Variants in CSNK1E observed in about 807,000 individuals in gnomAD.
The protein encoded by CSNK1E is casein kinase I isoform epsilon.
CSNK1E carries 17 observed loss-of-function variants against 46.1 expected under a neutral mutation model. The ratio of observed to expected loss-of-function variants is 0.37; its 90% confidence interval spans 0.25 to 0.55. The LOEUF (loss-of-function observed/expected upper bound fraction) is 0.55, where lower values mean the gene tolerates loss of function less well. Ranked by LOEUF, CSNK1E falls within the 20% of genes least tolerant of loss-of-function variation. The pLI is 0.82. For missense variants in CSNK1E, 386 were observed against 595.4 expected, an observed-to-expected ratio of 0.65 and a Z score of 3.66; for synonymous variants, 241 against 242.6, an observed-to-expected ratio of 0.99 and a Z score of 0.06.
At chr22:38,304,647 T>G (rs377626515) in intron 2 of CSNK1E, among the ~76,000 whole-genome samples, 4 of 152,122 alleles carry the variant, frequency 2.6e-5, no homozygotes, top group East Asian at 3.9e-4. Context: ...GGATGCCTGC[T>G]TCACACAATG....
intron 2 of CSNK1E, among the ~76,000 whole-genome samples, chr22:38,307,629 C>CA (rs2092704134): frequency 6.6e-6 from 1 of 152,202 alleles, no homozygotes; most frequent in Admixed American, 6.6e-5. Flanking sequence ...ACTTGAGAAT[C>CA]AGAGGATTCT....
chr22:38,298,162 C>T lies in CSNK1E; in HGVS notation c.885+624G>A. The T allele has an allele frequency of 2.3e-6, 3 of 1,302,440 alleles. No homozygotes were observed. The highest frequency in any genetic ancestry group is 3.0e-6 in the Non-Finnish European group (3 of 988,014). The allele number at this position is 1,302,440 out of a possible 1,614,324, so 80.7% of individuals were successfully genotyped here. Reference sequence around the variant, plus strand: ...GGGGACAGAAAGGTCCCTTCGCTGTCATGGGGCTGTCACGGGGCTGAGCCT... The same window carrying T: ...GGGGACAGAAAGGTCCCTTCGCTGTTATGGGGCTGTCACGGGGCTGAGCCT... On this transcript the variant is annotated intron_variant, in intron 7 of 10. Coordinates refer to ENST00000396832, the MANE Select transcript of CSNK1E (RefSeq NM_152221.3). The surrounding 1 kb of genome is among the most constrained non-coding windows in gnomAD (Gnocchi z 4.2).
chr22:38,295,438 G>A (rs1569075452), intron 7 of CSNK1E: 1 of 978,796 alleles, frequency 1.0e-6, no homozygotes, highest in South Asian at 4.7e-5. Context: ...TGGCAGGAAG[G>A]GGGCCGCATC....
intron 4 of CSNK1E, 45 bp downstream of exon 4, chr22:38,302,816 G>T: frequency 1.2e-6 from 2 of 1,608,498 alleles, no homozygotes; most frequent in Non-Finnish European, 1.7e-6. Context: ...CTGGTATCCT[G>T]GGCCCACAGG....
intron 1 of CSNK1E, among the ~76,000 whole-genome samples, chr22:38,314,681 G>A (rs952473295): frequency 3.9e-5 from 6 of 152,208 alleles, no homozygotes; most frequent in African/African-American, 7.2e-5. Context: ...GACCTCACAC[G>A]GAGGCCCATA....
At chr22:38,308,266 T>C (rs2092706817) in intron 2 of CSNK1E, among the ~76,000 whole-genome samples, 1 of 152,230 alleles carries the variant, frequency 6.6e-6, no homozygotes, top group Admixed American at 6.5e-5. Context: ...TAACTCAATC[T>C]AGCCAGCAAC....
At chr22:38,315,536 G>A (rs1166695078) in intron 1 of CSNK1E, among the ~76,000 whole-genome samples, 2 of 152,004 alleles carry the variant, frequency 1.3e-5, no homozygotes, top group African/African-American at 2.4e-5. Flanking sequence ...AAACCCACAC[G>A]CCACACATCC....
intron 4 of CSNK1E, 105 bp from the exon 5 acceptor site, chr22:38,301,057 C>T (rs2145836378): frequency 4.3e-6 from 4 of 927,848 alleles, no homozygotes; most frequent in African/African-American, 1.6e-5. Context: ...GGGAGAAAGG[C>T]CTGCCTTCGA....
intron 9 of CSNK1E, 169 bp downstream of exon 9, chr22:38,293,940 C>T: frequency 1.3e-6 from 1 of 762,912 alleles, no homozygotes. Flanking sequence ...GAGGGCTCAT[C>T]AGACCTCAGA....
intron 10 of CSNK1E, chr22:38,292,981 G>C (rs1450316788): frequency 2.0e-6 from 1 of 488,476 alleles, no homozygotes; most frequent in Non-Finnish European, 3.7e-6. Context: ...TGTTAAGGCA[G>C]AAGGAGATAG....
intron 2 of CSNK1E, among the ~76,000 whole-genome samples, chr22:38,310,798 G>A (rs577179538): frequency 2.0e-4 from 30 of 152,350 alleles, no homozygotes; most frequent in Admixed American, 7.8e-4. Flanking sequence ...GGTGATCCTG[G>A]AAAGCAGGGC....
rs755553310 is a variant in CSNK1E at position 38,303,126 on chromosome 22, C to T, written c.187+12G>A. ...CCCACCCGGCGCCCGCCGCCGCCCA[C>T]CCTGCGCTCACCGCCACCCTGCATC... On this transcript the variant is annotated intron_variant, in intron 3 of 10. Transcript: ENST00000396832. The surrounding 1 kb of genome is among the most constrained non-coding windows in gnomAD (Gnocchi z 4.7). 6.9e-6 allele frequency: 11 copies of T among 1,605,230 alleles called. No homozygotes were observed. The highest frequency in any genetic ancestry group is 1.1e-5 in the South Asian group (1 of 90,628).
intron 9 of CSNK1E, chr22:38,293,821 C>T (rs2092624898): frequency 1.8e-5 from 9 of 500,538 alleles, no homozygotes; most frequent in Middle Eastern, 5.2e-4. Context: ...CATCTCTGAG[C>T]CCCTGCTGCC....
chr22:38,293,242 G>A lies in CSNK1E; in HGVS notation c.*32+13C>T. ...GGCTGGGCTGGCTGCATCTGCAGCA[G>A]TCATGGACTCACCTAAGCAAACACT... On this transcript the variant is annotated intron_variant, in intron 10 of 10. Transcript: ENST00000396832. The A allele has an allele frequency of 6.2e-7, 1 of 1,610,014 alleles. No homozygotes were observed. Among genetic ancestry groups the A allele is most frequent in the Non-Finnish European group, 8.5e-7 (1 of 1,176,966 alleles).
chr22:38,305,467 A>AAAAAAAAAG (rs10701317), intron 2 of CSNK1E, among the ~76,000 whole-genome samples: 1 of 135,786 alleles, frequency 7.4e-6, no homozygotes, highest in Admixed American at 7.4e-5. Flanking sequence ...CCTCTCCAAA[A>AAAAAAAAAG]AAAAAAGAAT....
intron 2 of CSNK1E, among the ~76,000 whole-genome samples, chr22:38,305,623 G>C (rs1385266948): frequency 1.3e-5 from 2 of 152,124 alleles, no homozygotes; most frequent in Non-Finnish European, 2.9e-5. Context: ...CAAAGGATTT[G>C]AAACACACAC....
chr22:38,303,051 GGC>G lies in CSNK1E; in HGVS notation c.188-44_188-43del. On this transcript the variant is annotated intron_variant, in intron 3 of 10. Transcript: ENST00000396832. This position sits in a 1 kb window ranked among gnomAD's most constrained non-coding sequence, Gnocchi z 4.7. ...GGGCCTCTGTCAGGGGTCAGAGGCA[GGC>G]AGCCAGCCACGCCCGGCCCACCCTG... 3 of 1,603,336 alleles carry G rather than the reference GGC, an allele frequency of 1.9e-6. No individual in the cohort carries two copies. Among genetic ancestry groups the G allele is most frequent in the Non-Finnish European group, 2.6e-6 (3 of 1,174,860 alleles).
At position 38,294,577 on chromosome 22, in the gene CSNK1E, AG is replaced by A. The variant is rs1223868798; in HGVS notation, c.886-44del. On this transcript the variant is annotated intron_variant, in intron 7 of 10. Coordinates refer to ENST00000396832, the MANE Select transcript of CSNK1E (RefSeq NM_152221.3). This position sits in a 1 kb window ranked among gnomAD's most constrained non-coding sequence, Gnocchi z 5.5. ...AAGACACCAGTCAGCCCCAGAGGCC[AG>A]GGTGCTCTGGGCCCAGCAGCCCTGC... is the stretch of plus-strand genomic sequence containing the variant. 8.5e-6 allele frequency: 13 copies of A among 1,527,898 alleles called. No individual in the cohort carries two copies. Among genetic ancestry groups the A allele is most frequent in the Non-Finnish European group, 1.1e-5 (12 of 1,137,196 alleles). 94.6% of individuals were successfully genotyped at this position (1,527,898 alleles called of 1,614,324 possible). A position where few individuals can be genotyped will look rare whatever the true frequency, so the allele number is the denominator to read the frequency against.
intron 4 of CSNK1E, among the ~76,000 whole-genome samples, chr22:38,302,582 G>A (rs565905826): frequency 1.3e-5 from 2 of 152,176 alleles, no homozygotes; most frequent in Non-Finnish European, 2.9e-5. Flanking sequence ...GTGGTGGCAG[G>A]TGCCTGTAAT....
Sources: gnomAD v4.1 joint callset for allele counts (sites outside exome capture counted in the v4.1 genomes callset) on GRCh38, gnomAD v4.1.1 for gene constraint, Gnocchi (gnomAD v3.1) non-coding constraint, MANE v1.5 for transcripts, NCBI Gene and HGNC (gene_info 2026-07-23, HGNC 2026-07-21) for gene names.